The following ANO7 variants were observed in gnomAD, a reference collection of about 807,000 sequenced individuals.
The protein encoded by ANO7 is anoctamin-7.
Under a neutral mutation model 115.8 loss-of-function variants are expected in ANO7, and 114 were observed. The ratio of observed to expected loss-of-function variants is 0.98; its 90% CI spans 0.85 to 1.15. The LOEUF (loss-of-function observed/expected upper bound fraction) is 1.15, where lower values mean the gene tolerates loss of function less well. Ranked by LOEUF, ANO7 falls within the 50% of genes most tolerant of loss-of-function variation. ANO7 has a pLI of 0.00. For missense variants in ANO7, 1,302 were observed against 1,201.2 expected (o/e 1.08, Z -1.24); for synonymous variants, 550 against 498.2 (o/e 1.10, Z -1.38).
At chr2:241,213,795 G>A (rs1446760469) in intron 17 of ANO7, among the ~76,000 whole-genome samples, 2 of 152,204 alleles carry the variant, frequency 1.3e-5, no homozygotes, top group East Asian at 1.9e-4. Flanking sequence ...GAGAAACTTC[G>A]CATGGGGTCT....
At chr2:241,208,481 C>T (rs1009463662) in intron 11 of ANO7, among the ~76,000 whole-genome samples, 2 of 152,236 alleles carry the variant, frequency 1.3e-5, no homozygotes, top group African/African-American at 2.4e-5. Flanking sequence ...CCTCTTCTCC[C>T]CTCTTGTAAG....
chr2:241,219,794 G>C (rs1454878027), intron 21 of ANO7, among the ~76,000 whole-genome samples: 1 of 145,004 alleles, frequency 6.9e-6, no homozygotes, highest in Non-Finnish European at 1.5e-5. Context: ...ACTCAGGCTA[G>C]TCTCAAACTC....
Position 241,190,077 on chromosome 2 carries a change from G to A in ANO7, c.14G>A (p.Arg5Gln), listed in dbSNP as rs148106236. 69 of 1,578,208 alleles carry A rather than the reference G, an allele frequency of 4.4e-5. No individual in the cohort carries two copies. Among genetic ancestry groups the A allele is most frequent in the South Asian group, 1.3e-4 (11 of 85,908 alleles). Reference protein sequence around the residue: MLRRRAQEEDSTVLI... With the variant: MLRRQAQEEDSTVLI... The stretch of plus-strand genomic sequence containing the variant: ...TGCAGGAGCAGGATGCTGCGGCGAC[G>A]GGCCCAGGAAGAGGACAGCACCGTC... Residue 5 changes from arginine (R) to glutamine (Q), a missense_variant, in exon 2 of 25, where the codon CGG (arginine) becomes CAG (glutamine). Coordinates refer to ENST00000674324, the MANE Select transcript of ANO7 (RefSeq NM_001370694.2).
chr2:241,224,335 C>CTCCA lies in ANO7; in HGVS notation c.*186_*189dup. ...GCTTCTCTCCTCAGAGCGCCTGTCA[C>CTCCA]TCCATCCCCGGCAGGGAGGGACCGT... On this transcript the variant is annotated 3_prime_UTR_variant, in exon 25 of 25. Transcript: ENST00000674324. 2 of 656,720 alleles carry CTCCA rather than the reference C, an allele frequency of 3.0e-6. No individual in the cohort carries two copies. Among genetic ancestry groups the CTCCA allele is most frequent in the East Asian group, 5.5e-5 (2 of 36,196 alleles). 40.7% of individuals were successfully genotyped at this position (656,720 alleles called of 1,614,324 possible). A position where few individuals can be genotyped will look rare whatever the true frequency, so the allele number is the denominator to read the frequency against.
In ANO7 at chr2:241,191,086, C is replaced by T. The variant is rs1051733628; in HGVS notation, c.109-108C>T. The T allele has an allele frequency of 6.2e-5, 72 of 1,153,556 alleles. No individual in the cohort carries two copies. In the Middle Eastern group the frequency reaches 9.1e-4, roughly 15 times the overall value. 71.5% of individuals were successfully genotyped at this position (1,153,556 alleles called of 1,614,324 possible). ...TGGTCCTGAGTGTTCTGGGGCAGGG[C>T]GGGGACGGGTTGGAGGCGAGGACGG... On this transcript the variant is annotated intron_variant, in intron 2 of 24. Coordinates refer to ENST00000674324, the MANE Select transcript of ANO7 (RefSeq NM_001370694.2).
chr2:241,226,272 C>T (rs1434471603), downstream of ANO7, among the ~76,000 whole-genome samples: 1 of 152,012 alleles, frequency 6.6e-6, no homozygotes, highest in Non-Finnish European at 1.5e-5. Context: ...TGGGACATTG[C>T]GCGAGCTCCA....
At chr2:241,218,741 GC>G (rs2068933532) in intron 21 of ANO7, among the ~76,000 whole-genome samples, 2 of 152,162 alleles carry the variant, frequency 1.3e-5, no homozygotes, top group Admixed American at 1.3e-4. Flanking sequence ...AGCGGAGCTC[GC>G]CGAAAAAGAA....
At chr2:241,238,809 AAAAAG>A in the ANO7 span, 2 of 1,468,800 alleles carry the variant, frequency 1.4e-6, no homozygotes, top group South Asian at 2.8e-5. This position sits in a 1 kb window ranked among gnomAD's most constrained non-coding sequence, Gnocchi z 4.9. Flanking sequence ...TACACAAAGA[AAAAAG>A]AAAAGAGCAA....
intron 10 of ANO7, among the ~76,000 whole-genome samples, chr2:241,205,260 C>T (rs1386547604): frequency 2.1e-5 from 3 of 146,178 alleles, no homozygotes; most frequent in Non-Finnish European, 4.5e-5. Context: ...GACTGACAGG[C>T]AGACGGGGCG....
Position 241,224,339 on chromosome 2 carries a change from A to C in ANO7, c.*186A>C. 1 of 643,920 alleles carries C rather than the reference A, an allele frequency of 1.6e-6. No individual in the cohort carries two copies. The highest frequency in any genetic ancestry group is 2.6e-6 in the Non-Finnish European group (1 of 378,742). 39.9% of individuals were successfully genotyped at this position (643,920 alleles called of 1,614,324 possible). A position where few individuals can be genotyped will look rare whatever the true frequency, so the allele number is the denominator to read the frequency against. On this transcript the variant is annotated 3_prime_UTR_variant, in exon 25 of 25. Coordinates refer to ENST00000674324, the MANE Select transcript of ANO7 (RefSeq NM_001370694.2). ...CTCTCCTCAGAGCGCCTGTCACTCC[A>C]TCCCCGGCAGGGAGGGACCGTCAGC...
chr2:241,191,211 G>GGCC lies in ANO7; in HGVS notation c.130_132dup (p.Ala44dup). On this transcript the variant is annotated inframe_insertion, in exon 3 of 25. Coordinates refer to ENST00000674324, the MANE Select transcript of ANO7 (RefSeq NM_001370694.2). ...CCTTCCAGCCAGGTGGACAGCAAGC[G>GGCC]GCCGCCTGCAGAGCTGGGAGTCCTG... 6.2e-7 allele frequency: 1 copy of GGCC among 1,613,888 alleles called. No homozygotes were observed. Among genetic ancestry groups the GGCC allele is most frequent in the Non-Finnish European group, 8.5e-7 (1 of 1,179,964 alleles).
Position 241,190,316 on chromosome 2 carries a change from C to T in ANO7, c.108+145C>T, listed in dbSNP as rs2068167520. 9 of 667,638 alleles carry T rather than the reference C, an allele frequency of 1.3e-5. No individual in the cohort carries two copies. The South Asian group carries it at 1.5e-4, about 11-fold the overall frequency. The allele number at this position is 667,638 out of a possible 1,614,324, so 41.4% of individuals were successfully genotyped here. ...TCCCCCGGCAACCCCCAAGCCCTCGCCACCCAGTCCTCAACACACACAGTC... is the reference window on the plus strand; with the variant it reads ...TCCCCCGGCAACCCCCAAGCCCTCGTCACCCAGTCCTCAACACACACAGTC... On this transcript the variant is annotated intron_variant, in intron 2 of 24. Coordinates refer to ENST00000674324, the MANE Select transcript of ANO7 (RefSeq NM_001370694.2).
rs745435744 is a variant in ANO7, at chr2:241,191,302, G to A, written c.166+51G>A. On this transcript the variant is annotated intron_variant, in intron 3 of 24. Transcript: ENST00000674324. The stretch of plus-strand genomic sequence containing the variant: ...ACACCCGTGTTGGTCCTGAGGGTGG[G>A]GACACCACGGGGGTGCCCCCAGGGG... 1.2e-5 allele frequency: 19 copies of A among 1,605,192 alleles called. No individual in the cohort carries two copies. The African/African-American group carries it at 2.1e-4, about 18-fold the overall frequency.
intron 4 of ANO7, 46 bp from the exon 5 acceptor site, chr2:241,199,270 G>A (rs776265920): frequency 2.0e-6 from 3 of 1,530,514 alleles, no homozygotes; most frequent in Admixed American, 3.3e-5. Flanking sequence ...GTGCATACGT[G>A]CACACATGCA....
chr2:241,217,111 G>C (rs745466651), intron 19 of ANO7, among the ~76,000 whole-genome samples: 1 of 152,220 alleles, frequency 6.6e-6, no homozygotes, highest in South Asian at 2.1e-4. Context: ...GGGGATTACA[G>C]GCGTGAGAAA....
chr2:241,206,731 C>T (rs1403392528), intron 10 of ANO7, among the ~76,000 whole-genome samples: 2 of 29,188 alleles, frequency 6.9e-5, no homozygotes, highest in Non-Finnish European at 1.2e-4. Context: ...TGCTCCCAGG[C>T]TGACATAGGT....
chr2:241,200,180 C>T lies in ANO7; in HGVS notation c.509C>T (p.Pro170Leu). 1.2e-6 allele frequency: 2 copies of T among 1,613,208 alleles called. No homozygotes were observed. Among genetic ancestry groups the T allele is most frequent in the South Asian group, 1.1e-5 (1 of 91,070 alleles). Residue 170 changes from proline to leucine, a missense_variant, in exon 6 of 25, where the codon CCC (proline) becomes CTC (leucine). Pro to Leu is a moderately conservative substitution (Grantham distance 98). Coordinates refer to ENST00000674324, the MANE Select transcript of ANO7 (RefSeq NM_001370694.2). Reference sequence around the variant, plus strand: ...CTGCTGGAGGTTGTGCCAGACGTACCCCCCGAGTACTACTCCTGCCGGTTC... The same window carrying T: ...CTGCTGGAGGTTGTGCCAGACGTACTCCCCGAGTACTACTCCTGCCGGTTC... Reference protein sequence around the residue: ...NVLLEVVPDVPPEYYSCRFRV... With the variant: ...NVLLEVVPDVLPEYYSCRFRV...
intron 9 of ANO7, among the ~76,000 whole-genome samples, chr2:241,204,263 C>T (rs542913604): frequency 6.6e-6 from 1 of 152,298 alleles, no homozygotes; most frequent in African/African-American, 2.4e-5. Context: ...TCCAGGCAGA[C>T]TTGCGTTTCA....
At chr2:241,210,124 CAGGA>C (rs2068686574) in intron 13 of ANO7, among the ~76,000 whole-genome samples, 167 bp from the exon 14 acceptor site, 3 of 152,210 alleles carry the variant, frequency 2.0e-5, no homozygotes, top group Non-Finnish European at 4.4e-5. Context: ...AGCAACTCAT[CAGGA>C]AGGACATAGC....
Sources: gnomAD v4.1 joint callset for allele counts (sites outside exome capture counted in the v4.1 genomes callset) on GRCh38, gnomAD v4.1.1 for gene constraint, Gnocchi (gnomAD v3.1) non-coding constraint, MANE v1.5 for transcripts, NCBI Gene and HGNC (gene_info 2026-07-23, HGNC 2026-07-21) for gene names.